The following ARNT2 variants were observed in gnomAD, a reference collection of about 807,000 sequenced individuals.
ARNT2 encodes the protein aryl hydrocarbon receptor nuclear translocator 2, also known as ARNT protein 2.
Under a neutral mutation model 91.7 loss-of-function variants are expected in ARNT2, and 36 were observed. The ratio of observed to expected loss-of-function variants is 0.39; its 90% CI spans 0.30 to 0.52. The LOEUF (loss-of-function observed/expected upper bound fraction) is 0.52, where lower values mean the gene tolerates loss of function less well. Among genes scored for constraint, ARNT2 ranks in the 20% least tolerant of loss-of-function variants. The pLI is 0.72. For synonymous variants in ARNT2, 365 were observed against 347.1 expected (o/e 1.05, Z -0.57); for missense variants, 775 against 939.3 (o/e 0.83, Z 2.29).
At chr15:80,442,758 G>A in intron 1 of ARNT2, 1 of 797,870 alleles carries the variant, frequency 1.3e-6, no homozygotes, top group Non-Finnish European at 1.5e-6. Flanking sequence ...TTGAGCATGT[G>A]TGGCATGGTA....
chr15:80,411,159 G>C (rs1364664740), intron 1 of ARNT2, among the ~76,000 whole-genome samples: 3 of 152,122 alleles, frequency 2.0e-5, no homozygotes, highest in African/African-American at 7.2e-5. Flanking sequence ...CCTTTATCCA[G>C]GTAAAATGTA....
chr15:80,523,780 G>T (rs1005262191), intron 8 of ARNT2, among the ~76,000 whole-genome samples: 1 of 152,168 alleles, frequency 6.6e-6, no homozygotes, highest in Non-Finnish European at 1.5e-5. Context: ...CTGCAAAGAG[G>T]ATTCAGGATA....
At chr15:80,554,981 G>A (rs1440597372) in intron 10 of ARNT2, 84 bp from the exon 11 acceptor site, 1 of 1,424,988 alleles carries the variant, frequency 7.0e-7, no homozygotes, top group Non-Finnish European at 9.9e-7. Context: ...AAAGGAGATG[G>A]AAATGAACAC....
In ARNT2 at chr15:80,552,658, T is replaced by C. The variant is rs1269528136; in HGVS notation, c.973T>C (p.Cys325Arg). The change falls in exon 10 of 19, where the codon TGC becomes CGC. Residue 325 changes from cysteine (C) to arginine (R), a missense_variant. Transcript: ENST00000303329. ...GRLQVTSSPV[C>R]MDMNGMSVPT... The stretch of plus-strand genomic sequence containing the variant: ...ATCCCAGGTGACCAGCTCTCCTGTA[T>C]GCATGGACATGAATGGGATGTCGGT... The C allele has an allele frequency of 6.2e-7, 1 of 1,614,156 alleles. No homozygotes were observed. Among genetic ancestry groups the C allele is most frequent in the Admixed American group, 1.7e-5 (1 of 60,018 alleles).
At chr15:80,425,829 C>G (rs1414464592) in intron 1 of ARNT2, among the ~76,000 whole-genome samples, 3 of 152,188 alleles carry the variant, frequency 2.0e-5, no homozygotes, top group Non-Finnish European at 2.9e-5. Flanking sequence ...AGGAGGATCA[C>G]TTAAGCCCAG....
chr15:80,586,923 G>A (rs1407438720), intron 17 of ARNT2, among the ~76,000 whole-genome samples: 1 of 152,122 alleles, frequency 6.6e-6, no homozygotes, highest in Non-Finnish European at 1.5e-5. Flanking sequence ...GGGGAACAGG[G>A]TAGACTAAGC....
intron 3 of ARNT2, among the ~76,000 whole-genome samples, chr15:80,467,845 G>A (rs1223942513): frequency 1.3e-5 from 2 of 152,126 alleles, no homozygotes; most frequent in Non-Finnish European, 2.9e-5. Flanking sequence ...AGGAGACGTT[G>A]GTGAAGACCC....
intron 1 of ARNT2, among the ~76,000 whole-genome samples, chr15:80,422,311 T>G (rs1272195088): frequency 6.6e-6 from 1 of 152,114 alleles, no homozygotes; most frequent in African/African-American, 2.4e-5. Context: ...AGAGAAAAAC[T>G]TAGAAGCAGT....
intron 5 of ARNT2, among the ~76,000 whole-genome samples, chr15:80,481,219 T>C (rs1376779859): frequency 6.6e-6 from 1 of 152,202 alleles, no homozygotes; most frequent in Non-Finnish European, 1.5e-5. Flanking sequence ...TAGGCTGTGG[T>C]CTGGGCACAG....
intron 8 of ARNT2, among the ~76,000 whole-genome samples, chr15:80,539,486 T>G (rs920470198): frequency 6.6e-6 from 1 of 152,168 alleles, no homozygotes; most frequent in Non-Finnish European, 1.5e-5. Flanking sequence ...CCATAATTAA[T>G]ATCTTATGCA....
At chr15:80,461,123 A>G (rs1896546045) in intron 3 of ARNT2, among the ~76,000 whole-genome samples, 1 of 152,200 alleles carries the variant, frequency 6.6e-6, no homozygotes, top group Non-Finnish European at 1.5e-5. Context: ...TTGAATTCAC[A>G]GGAAGGAGGC....
intron 15 of ARNT2, among the ~76,000 whole-genome samples, chr15:80,579,503 CT>C (rs35754988): frequency 4.0e-5 from 6 of 151,834 alleles, no homozygotes; most frequent in Admixed American, 2.6e-4. Context: ...TCTGGCTTGC[CT>C]TTTTTTTAAC....
chr15:80,405,046 T>G (rs1895579010), intron 1 of ARNT2, among the ~76,000 whole-genome samples: 1 of 149,842 alleles, frequency 6.7e-6, no homozygotes, highest in Non-Finnish European at 1.5e-5. Flanking sequence ...CTTTGCGCCC[T>G]TTGCGACTGG....
At chr15:80,497,823 A>G (rs1187055256) in intron 5 of ARNT2, among the ~76,000 whole-genome samples, 1 of 152,222 alleles carries the variant, frequency 6.6e-6, no homozygotes, top group Admixed American at 6.5e-5. Flanking sequence ...TTCCTGAGGA[A>G]AACACTTTAC....
chr15:80,535,682 C>T (rs935050943), intron 8 of ARNT2, among the ~76,000 whole-genome samples: 4 of 151,214 alleles, frequency 2.6e-5, no homozygotes, highest in African/African-American at 7.3e-5. Context: ...TCCGTTCAAC[C>T]TGTCTTTGTC....
intron 11 of ARNT2, among the ~76,000 whole-genome samples, chr15:80,562,165 C>T (rs957235569): frequency 2.6e-5 from 4 of 151,888 alleles, no homozygotes; most frequent in African/African-American, 9.7e-5. Context: ...ACCTCTGCCT[C>T]CTGGATTCAA....
At chr15:80,538,837 T>G (rs1897861899) in intron 8 of ARNT2, among the ~76,000 whole-genome samples, 1 of 151,936 alleles carries the variant, frequency 6.6e-6, no homozygotes, top group Non-Finnish European at 1.5e-5. Flanking sequence ...CCCTGACAAG[T>G]CTATTGTAAT....
In ARNT2 at chr15:80,560,531, C is replaced by T. The variant is rs117555334; in HGVS notation, c.1165-2557C>T. Among the ~76,000 whole-genome samples the T allele has an allele frequency of 3.3e-4, 51 of 152,244 alleles. 1 individual carries two copies. Among genetic ancestry groups the T allele is most frequent in the Admixed American group, 2.5e-3 (38 of 15,288 alleles). ...CTTCCCTTTCCCCAGCTCCTAAGGTCGTGCCTTCTGTGTGCTAGTTGCATG... is the reference window on the plus strand; with the variant it reads ...CTTCCCTTTCCCCAGCTCCTAAGGTTGTGCCTTCTGTGTGCTAGTTGCATG... On this transcript the variant is annotated intron_variant, in intron 11 of 18. Coordinates refer to ENST00000303329, the MANE Select transcript of ARNT2 (RefSeq NM_014862.4).
At chr15:80,506,536 G>A (rs1372685562) in intron 5 of ARNT2, among the ~76,000 whole-genome samples, 1 of 152,146 alleles carries the variant, frequency 6.6e-6, no homozygotes, top group African/African-American at 2.4e-5. Context: ...CGAGGGTGGG[G>A]GATTCTCACC....
Sources: gnomAD v4.1 joint callset for allele counts (sites outside exome capture counted in the v4.1 genomes callset) on GRCh38, gnomAD v4.1.1 for gene constraint, MANE v1.5 for transcripts, NCBI Gene and HGNC (gene_info 2026-07-23, HGNC 2026-07-21) for gene names.